Variants in MAD1L1 observed in about 807,000 individuals in gnomAD.
The protein encoded by MAD1L1 is mitotic arrest deficient 1 like 1.
A neutral mutation model predicts 96.9 loss-of-function variants in MAD1L1; 95 were observed. The ratio of observed to expected loss-of-function variants is 0.98; its 90% CI spans 0.83 to 1.16. The LOEUF is 1.16. MAD1L1 is among the 50% of genes most tolerant of loss of function. MAD1L1 has a pLI of 0.00. For missense variants in MAD1L1, 1,007 were observed against 954.4 expected, an observed-to-expected ratio of 1.06 and a Z score of -0.73; for synonymous variants, 473 against 396.6, an observed-to-expected ratio of 1.19 and a Z score of -2.29.
chr7:2,217,876 G>C (rs898740287), intron 7 of MAD1L1, 86 bp downstream of exon 7: 5 of 1,133,136 alleles, frequency 4.4e-6, no homozygotes, highest in Non-Finnish European at 6.7e-6. Context: ...CACGGAGCTC[G>C]GCACCAGCGC....
Position 2,215,940 on chromosome 7 carries a change from A to T in MAD1L1, c.869T>A (p.Leu290Gln). ...CTCCTGCATCTTCTCCTGGCGCCCCAGCTTCCTCTGCAGCCCTTCCAGCTC... is the reference window on the plus strand; with the variant it reads ...CTCCTGCATCTTCTCCTGGCGCCCCTGCTTCCTCTGCAGCCCTTCCAGCTC... ...QEELEGLQRK[L>Q]GRQEKMQETL... The change falls in exon 9 of 19, where the codon CTG (leucine) becomes CAG (glutamine). Residue 290 changes from leucine to glutamine, a missense_variant. Physicochemically the swap from Leu to Gln is moderately radical, Grantham distance 113 (BLOSUM62 -2). Coordinates refer to ENST00000265854, the MANE Select transcript of MAD1L1 (RefSeq NM_001013836.2). The T allele has an allele frequency of 6.2e-7, 1 of 1,614,142 alleles. No homozygotes were observed. Among genetic ancestry groups the T allele is most frequent in the Non-Finnish European group, 8.5e-7 (1 of 1,180,020 alleles).
intron 11 of MAD1L1, chr7:2,079,548 C>G (rs1395458348): frequency 2.2e-6 from 1 of 448,996 alleles, no homozygotes; most frequent in Non-Finnish European, 4.6e-6. Flanking sequence ...ACTGGAATCA[C>G]CAAATTCAAT....
chr7:1,927,346 T>C (rs1583812351), intron 17 of MAD1L1, among the ~76,000 whole-genome samples: 2 of 152,222 alleles, frequency 1.3e-5, no homozygotes, highest in Non-Finnish European at 2.9e-5. Context: ...CCTCTAAAAA[T>C]CTGAGCAGGC....
chr7:2,008,172 C>T (rs1378006213), intron 13 of MAD1L1, among the ~76,000 whole-genome samples: 1 of 152,208 alleles, frequency 6.6e-6, no homozygotes, highest in African/African-American at 2.4e-5. Context: ...CCCCAGAGCT[C>T]GGGGAGAACC....
intron 17 of MAD1L1, among the ~76,000 whole-genome samples, chr7:1,919,959 C>T (rs1372404961): frequency 6.6e-6 from 1 of 152,118 alleles, no homozygotes. Context: ...ACCCCTCCTC[C>T]AGTCCACCCA....
chr7:1,918,168 C>T (rs772299909), intron 17 of MAD1L1, among the ~76,000 whole-genome samples: 66 of 152,130 alleles, frequency 4.3e-4, no homozygotes, highest in South Asian at 2.1e-4. Context: ...AGAATGCCTC[C>T]GAGGCTCTGT....
chr7:1,914,898 G>A (rs1223627332), intron 17 of MAD1L1, among the ~76,000 whole-genome samples: 1 of 152,252 alleles, frequency 6.6e-6, no homozygotes, highest in African/African-American at 2.4e-5. Flanking sequence ...ACAGGCATGA[G>A]TGCCGCGCCG....
At chr7:1,926,447 T>G (rs180753633) in intron 17 of MAD1L1, among the ~76,000 whole-genome samples, 1 of 152,190 alleles carries the variant, frequency 6.6e-6, no homozygotes, top group South Asian at 2.1e-4. Context: ...CAGACCAATA[T>G]GAACACAGAC....
At chr7:2,185,313 G>A (rs1034420780) in intron 10 of MAD1L1, among the ~76,000 whole-genome samples, 1 of 152,128 alleles carries the variant, frequency 6.6e-6, no homozygotes, top group African/African-American at 2.4e-5. Context: ...ACTAATTTAT[G>A]GTAATAGAAA....
intron 18 of MAD1L1, among the ~76,000 whole-genome samples, chr7:1,864,012 ACT>A (rs1175157883): frequency 5.4e-5 from 1 of 18,478 alleles, no homozygotes. Context: ...GCTTAAAACT[ACT>A]CTGGAGGAGC....
intron 18 of MAD1L1, among the ~76,000 whole-genome samples, chr7:1,827,924 C>A (rs984096134): frequency 6.6e-6 from 1 of 152,194 alleles, no homozygotes; most frequent in African/African-American, 2.4e-5. Context: ...CAGGCGAGGC[C>A]CATGCTGCTG....
At chr7:2,203,112 G>A (rs1562367647) in intron 10 of MAD1L1, among the ~76,000 whole-genome samples, 1 of 151,962 alleles carries the variant, frequency 6.6e-6, no homozygotes, top group African/African-American at 2.4e-5. Context: ...ATGCCCACCC[G>A]CCGGGATGGG....
rs1789920904 is a variant in MAD1L1 at position 2,157,961 on chromosome 7, C to G, written c.987-8723G>C. On this transcript the variant is annotated intron_variant, in intron 10 of 18. Transcript: ENST00000265854. The stretch of plus-strand genomic sequence containing the variant: ...AACTCCCGACAGTCCATTCTGAAAC[C>G]CGCACTTCACCAACTACAAAGTGGA... Among the ~76,000 whole-genome samples the G allele has an allele frequency of 2.0e-5, 3 of 152,212 alleles. No homozygotes were observed. The South Asian group carries it at 6.2e-4, about 32-fold the overall frequency.
At chr7:1,960,299 ACAGT>A (rs1272287864) in intron 15 of MAD1L1, among the ~76,000 whole-genome samples, 6 of 152,162 alleles carry the variant, frequency 3.9e-5, no homozygotes, top group African/African-American at 1.4e-4. Flanking sequence ...TGAGTAGAAA[ACAGT>A]CAAATGACAA....
At chr7:1,921,790 G>A (rs1255543368) in intron 17 of MAD1L1, among the ~76,000 whole-genome samples, 1 of 152,150 alleles carries the variant, frequency 6.6e-6, no homozygotes, top group Non-Finnish European at 1.5e-5. Flanking sequence ...GAAGGATTCT[G>A]AGATAAATGG....
intron 18 of MAD1L1, chr7:1,838,478 A>T (rs1245217952): frequency 3.2e-6 from 1 of 307,892 alleles, no homozygotes; most frequent in Non-Finnish European, 6.5e-6. Context: ...CTATCCACAC[A>T]CTAGACCGTA....
intron 18 of MAD1L1, among the ~76,000 whole-genome samples, chr7:1,892,310 C>T (rs1301927591): frequency 6.6e-6 from 1 of 152,228 alleles, no homozygotes; most frequent in Non-Finnish European, 1.5e-5. Context: ...AAAGACAACA[C>T]TGCCCACCAG....
intron 17 of MAD1L1, among the ~76,000 whole-genome samples, chr7:1,900,113 G>C (rs910491396): frequency 2.6e-5 from 4 of 152,180 alleles, no homozygotes; most frequent in African/African-American, 9.6e-5. Context: ...CGTGAGCTCA[G>C]TCGAGCAGCC....
Position 1,883,521 on chromosome 7 carries a change from C to T in MAD1L1, c.1998+14679G>A, listed in dbSNP as rs374406737. On this transcript the variant is annotated intron_variant, in intron 18 of 18. Transcript: ENST00000265854. ...TCCCCACTGGCTGCTGCCTGAAGGC[C>T]AAGCTCCAGTGTCCCGGAGACCCTC... 9.8e-5 allele frequency among the ~76,000 whole-genome samples: 15 copies of T among 152,338 alleles called. 1 individual carries two copies. Among genetic ancestry groups the T allele is most frequent in the African/African-American group, 3.4e-4 (14 of 41,566 alleles).
Sources: gnomAD v4.1 joint callset for allele counts (sites outside exome capture counted in the v4.1 genomes callset) on GRCh38, gnomAD v4.1.1 for gene constraint, MANE v1.5 for transcripts, NCBI Gene and HGNC (gene_info 2026-07-23, HGNC 2026-07-21) for gene names.